The following PARD3B variants were observed in gnomAD, a reference collection of about 807,000 sequenced individuals.
PARD3B encodes par-3 family cell polarity regulator beta, also known as partitioning defective 3 homolog B.
In PARD3B, 103 loss-of-function variants were observed where a neutral mutation model predicts 130.2. The ratio of observed to expected loss-of-function variants is 0.79; its 90% CI spans 0.67 to 0.93. The LOEUF (loss-of-function observed/expected upper bound fraction) is 0.93, where lower values mean the gene tolerates loss of function less well. Ranked by LOEUF, PARD3B falls within the 40% of genes least tolerant of loss-of-function variation. PARD3B has a pLI of 0.00. For synonymous variants in PARD3B, 583 were observed against 553.2 expected (o/e 1.05, Z -0.76); for missense variants, 1,609 against 1,499.2 (o/e 1.07, Z -1.21).
At chr2:204,549,772 T>G (rs2030307469) in intron 1 of PARD3B, among the ~76,000 whole-genome samples, 2 of 152,204 alleles carry the variant, frequency 1.3e-5, no homozygotes, top group Admixed American at 1.3e-4. Flanking sequence ...ATACATGTTA[T>G]TTGTTAATGG....
intron 1 of PARD3B, among the ~76,000 whole-genome samples, chr2:204,587,784 A>C (rs2032893153): frequency 6.6e-6 from 1 of 152,080 alleles, no homozygotes; most frequent in African/African-American, 2.4e-5. Flanking sequence ...CCCACATGTC[A>C]TGGGAGGGAC....
At chr2:205,609,209 C>G (rs997752608) in intron 22 of PARD3B, among the ~76,000 whole-genome samples, 1 of 152,202 alleles carries the variant, frequency 6.6e-6, no homozygotes, top group South Asian at 2.1e-4. Context: ...AACTGGAAAC[C>G]TGACACTAAA....
chr2:204,877,271 T>A (rs1429901185), intron 2 of PARD3B, among the ~76,000 whole-genome samples: 1 of 151,956 alleles, frequency 6.6e-6, no homozygotes, highest in Non-Finnish European at 1.5e-5. Flanking sequence ...AGGTGAGGGA[T>A]AGCATTAGGA....
chr2:205,060,572 A>G (rs1225038377), intron 4 of PARD3B, among the ~76,000 whole-genome samples: 1 of 152,066 alleles, frequency 6.6e-6, no homozygotes. Flanking sequence ...GAAAAGGAAG[A>G]TTGTCTTCTA....
At chr2:204,763,189 G>C (rs2040985251) in intron 2 of PARD3B, among the ~76,000 whole-genome samples, 1 of 152,204 alleles carries the variant, frequency 6.6e-6, no homozygotes, top group Non-Finnish European at 1.5e-5. Context: ...ACCAGGGACA[G>C]CATGGATTGT....
chr2:205,605,991 G>A lies in PARD3B; in HGVS notation c.3261-9465G>A, dbSNP rs146871476. Among the ~76,000 whole-genome samples the A allele has an allele frequency of 1.0e-3, 155 of 151,784 alleles. 1 individual carries two copies. The highest frequency in any genetic ancestry group is 8.8e-4 in the Non-Finnish European group (60 of 67,818). ...GAAGACCCAGTTGGTGAGGAGGGAT[G>A]GATCAGGGTCCAGCCTAAAGAGGCA... On this transcript the variant is annotated intron_variant, in intron 22 of 22. Coordinates refer to ENST00000406610, the MANE Select transcript of PARD3B (RefSeq NM_001302769.2).
chr2:204,673,650 G>A lies in PARD3B; in HGVS notation c.121-12531G>A, dbSNP rs893864792. ...CAAATGCCACTTTTTCATGGAGGCC[G>A]GGCCTGACCCCTTATTTAAAAATAC... On this transcript the variant is annotated intron_variant, in intron 1 of 22. Coordinates refer to ENST00000406610, the MANE Select transcript of PARD3B (RefSeq NM_001302769.2). This position sits in a 1 kb window ranked among gnomAD's most constrained non-coding sequence, Gnocchi z 4.7. Among the ~76,000 whole-genome samples the A allele has an allele frequency of 1.4e-4, 21 of 152,124 alleles. No individual in the cohort carries two copies. Among genetic ancestry groups the A allele is most frequent in the Non-Finnish European group, 2.8e-4 (19 of 68,028 alleles).
At chr2:204,823,537 G>A (rs2043448833) in intron 2 of PARD3B, among the ~76,000 whole-genome samples, 1 of 152,086 alleles carries the variant, frequency 6.6e-6, no homozygotes, top group African/African-American at 2.4e-5. Flanking sequence ...AATAGTATGA[G>A]GCCCTAGGTA....
rs114605647 is a variant in PARD3B at position 205,394,351 on chromosome 2, G to A, written c.2631-6662G>A. ...AGAAACCATTTTTCTTATACATGCT[G>A]CATCACATTAACTGATAAATTAAAT... On this transcript the variant is annotated intron_variant, in intron 18 of 22. Transcript: ENST00000406610. Among the ~76,000 whole-genome samples the A allele has an allele frequency of 5.4e-3, 822 of 152,156 alleles. 9 individuals carry two copies. The highest frequency in any genetic ancestry group is 0.019 in the African/African-American group (789 of 41,518).
chr2:204,580,486 C>T (rs181251586), intron 1 of PARD3B, among the ~76,000 whole-genome samples: 5 of 152,194 alleles, frequency 3.3e-5, no homozygotes, highest in Non-Finnish European at 5.9e-5. Context: ...GTCATCTGAC[C>T]CTAGCCGATC....
intron 1 of PARD3B, among the ~76,000 whole-genome samples, chr2:204,608,612 G>A (rs2125113344): frequency 6.6e-6 from 1 of 152,272 alleles, no homozygotes; most frequent in South Asian, 2.1e-4. Flanking sequence ...CAGTTGGTTG[G>A]CTCAGTAGAT....
chr2:204,908,778 A>G (rs971510737), intron 2 of PARD3B, among the ~76,000 whole-genome samples: 2 of 152,234 alleles, frequency 1.3e-5, no homozygotes, highest in Admixed American at 6.5e-5. Context: ...CTAAAGACCC[A>G]AAAAGATTAA....
At chr2:205,340,038 T>A (rs2043462812) in intron 18 of PARD3B, among the ~76,000 whole-genome samples, 1 of 152,046 alleles carries the variant, frequency 6.6e-6, no homozygotes, top group Non-Finnish European at 1.5e-5. Flanking sequence ...AAGTAGAGAG[T>A]TATATTGCTG....
intron 21 of PARD3B, among the ~76,000 whole-genome samples, chr2:205,535,609 G>C (rs2051815085): frequency 6.6e-6 from 1 of 152,150 alleles, no homozygotes; most frequent in African/African-American, 2.4e-5. Flanking sequence ...TTAAATCACA[G>C]TATTTAAATA....
In PARD3B at chr2:205,280,086, A is replaced by T. The variant is rs2041129029; in HGVS notation, c.2186-20444A>T. On this transcript the variant is annotated intron_variant, in intron 16 of 22. Coordinates refer to ENST00000406610, the MANE Select transcript of PARD3B (RefSeq NM_001302769.2). This position sits in a 1 kb window ranked among gnomAD's most constrained non-coding sequence, Gnocchi z 4.7. ...AAGGGTAAAAGAGTCTCTTTGTGTTAGGATTTCTTCTGTCTAAAGGTAGGA... is the reference window on the plus strand; with the variant it reads ...AAGGGTAAAAGAGTCTCTTTGTGTTTGGATTTCTTCTGTCTAAAGGTAGGA... Among the ~76,000 whole-genome samples, 1 of 152,210 alleles carries T rather than the reference A, an allele frequency of 6.6e-6. No individual in the cohort carries two copies. The highest frequency in any genetic ancestry group is 1.5e-5 in the Non-Finnish European group (1 of 68,036).
chr2:204,763,402 A>T (rs1001429893), intron 2 of PARD3B, among the ~76,000 whole-genome samples: 1 of 152,248 alleles, frequency 6.6e-6, no homozygotes, highest in African/African-American at 2.4e-5. Flanking sequence ...TTCAGGTCTG[A>T]TGCATAGGCA....
chr2:204,664,769 A>C lies in PARD3B; in HGVS notation c.121-21412A>C, dbSNP rs2035953670. ...AGCTATGTGAATGTCAGAGAGCAGA[A>C]ATAGTCAGAATTTTTCTTCTGAGCT... On this transcript the variant is annotated intron_variant, in intron 1 of 22. Coordinates refer to ENST00000406610, the MANE Select transcript of PARD3B (RefSeq NM_001302769.2). This position sits in a 1 kb window ranked among gnomAD's most constrained non-coding sequence, Gnocchi z 5.2. 1.3e-5 allele frequency among the ~76,000 whole-genome samples: 2 copies of C among 152,208 alleles called. No individual in the cohort carries two copies. Among genetic ancestry groups the C allele is most frequent in the African/African-American group, 4.8e-5 (2 of 41,456 alleles).
intron 16 of PARD3B, among the ~76,000 whole-genome samples, chr2:205,248,112 TA>T (rs1236420903): frequency 1.3e-5 from 2 of 152,124 alleles, no homozygotes; most frequent in South Asian, 2.1e-4. Flanking sequence ...TTTTTATTTT[TA>T]TTTTTTTTGT....
At chr2:205,110,650 G>C (rs965323119) in intron 5 of PARD3B, among the ~76,000 whole-genome samples, 1 of 70,310 alleles carries the variant, frequency 1.4e-5, no homozygotes. Flanking sequence ...TGTTTTTTTT[G>C]TAAGTGGCTG....
Sources: gnomAD v4.1 joint callset for allele counts (sites outside exome capture counted in the v4.1 genomes callset) on GRCh38, gnomAD v4.1.1 for gene constraint, Gnocchi (gnomAD v3.1) non-coding constraint, MANE v1.5 for transcripts, NCBI Gene and HGNC (gene_info 2026-07-23, HGNC 2026-07-21) for gene names.